Variants in PDZRN3 observed in about 807,000 individuals in gnomAD.
PDZRN3 encodes the protein E3 ubiquitin-protein ligase PDZRN3.
A neutral mutation model predicts 85.7 loss-of-function variants in PDZRN3; 38 were observed. The observed-to-expected ratio is 0.44, with a 90% confidence interval of 0.34 to 0.58. PDZRN3 has a LOEUF of 0.58. PDZRN3 is among the 20% of genes least tolerant of loss of function. The pLI is 0.01. For missense variants in PDZRN3, 1,629 were observed against 1,506.4 expected, an observed-to-expected ratio of 1.08 and a Z score of -1.35; for synonymous variants, 759 against 638.0, an observed-to-expected ratio of 1.19 and a Z score of -2.86.
In PDZRN3 at chr3:73,443,500, G is replaced by GGGC. The variant is rs1702687644; in HGVS notation, c.919-39106_919-39105insGCC. 8.3e-4 allele frequency among the ~76,000 whole-genome samples: 33 copies of GGGC among 39,782 alleles called. 1 individual carries two copies. In the South Asian group the frequency reaches 0.019, roughly 23 times the overall value. The allele number at this position is 39,782 out of a possible 152,430, so 26.1% of individuals were successfully genotyped here. On this transcript the variant is annotated intron_variant, in intron 3 of 9. Transcript: ENST00000263666. The stretch of plus-strand genomic sequence containing the variant: ...TTTTCTTTTTTTTTTTTTTTTTTTG[G>GGGC]GGGGGGGACAGCGCTTGCTTTGTCG...
chr3:73,589,097 G>C (rs1369566372), intron 3 of PDZRN3, among the ~76,000 whole-genome samples: 2 of 151,366 alleles, frequency 1.3e-5, no homozygotes, highest in Non-Finnish European at 2.9e-5. Flanking sequence ...CCCCAGGCTG[G>C]AGTGCAGTGG....
At chr3:73,514,099 A>G (rs1334360788) in intron 3 of PDZRN3, among the ~76,000 whole-genome samples, 1 of 152,208 alleles carries the variant, frequency 6.6e-6, no homozygotes, top group Non-Finnish European at 1.5e-5. Flanking sequence ...AAGCAAGACA[A>G]ACAAAGGATA....
intron 3 of PDZRN3, among the ~76,000 whole-genome samples, chr3:73,407,006 T>C (rs780422503): frequency 6.6e-6 from 1 of 152,250 alleles, no homozygotes; most frequent in Non-Finnish European, 1.5e-5. Flanking sequence ...GTTACCTTTC[T>C]ACCAGATCCT....
At position 73,624,664 on chromosome 3, in the gene PDZRN3, C is replaced by T. The variant is rs779129313; in HGVS notation, c.162G>A (p.Ala54=). The change falls in exon 1 of 10, where the codon GCG becomes GCA. Residue 54 remains alanine (A), a synonymous_variant. Transcript: ENST00000263666. ...PWVVQEGSCP[A]RCRGRLSAKE... is the part of the protein sequence containing the mutation. ...TGGCCGACAGGCGACCGCGGCAGCGCGCCGGGCAGCTGCCCTCCTGCACCA... is the reference window on the plus strand; with the variant it reads ...TGGCCGACAGGCGACCGCGGCAGCGTGCCGGGCAGCTGCCCTCCTGCACCA... 1.3e-6 allele frequency: 2 copies of T among 1,524,920 alleles called. No homozygotes were observed. Among genetic ancestry groups the T allele is most frequent in the Non-Finnish European group, 1.8e-6 (2 of 1,140,718 alleles). The allele number at this position is 1,524,920 out of a possible 1,614,324, so 94.5% of individuals were successfully genotyped here.
At chr3:73,552,256 G>GTGTC (rs1701581086) in intron 3 of PDZRN3, among the ~76,000 whole-genome samples, 1 of 141,440 alleles carries the variant, frequency 7.1e-6, no homozygotes, top group South Asian at 2.3e-4. Flanking sequence ...GTGTGTGTGT[G>GTGTC]TGTACCCAAA....
chr3:73,403,140 G>T (rs1392491700), intron 4 of PDZRN3, among the ~76,000 whole-genome samples: 1 of 152,100 alleles, frequency 6.6e-6, no homozygotes, highest in African/African-American at 2.4e-5. Flanking sequence ...TAGAGACGGG[G>T]TTTCACCGTG....
intron 8 of PDZRN3, 110 bp downstream of exon 8, chr3:73,387,858 A>G (rs561525430): frequency 1.6e-6 from 1 of 627,048 alleles, no homozygotes; most frequent in East Asian, 2.6e-5. Context: ...TTTCCAGGGA[A>G]CAAAGCACCT....
At chr3:73,436,834 T>C (rs1470137406) in intron 3 of PDZRN3, among the ~76,000 whole-genome samples, 1 of 151,872 alleles carries the variant, frequency 6.6e-6, no homozygotes, top group South Asian at 2.1e-4. Context: ...GATCATGAGG[T>C]CAGGAGATGG....
rs571471129 is a variant in PDZRN3, at chr3:73,548,579, T to A, written c.918+53775A>T. 3.9e-5 allele frequency among the ~76,000 whole-genome samples: 6 copies of A among 152,340 alleles called. No individual in the cohort carries two copies. The East Asian group carries it at 1.2e-3, about 29-fold the overall frequency. ...GAGAGGGAGTGGGCAGACATCCATA[T>A]TGTAAGATTGGTAATCTTGGCCTCT... On this transcript the variant is annotated intron_variant, in intron 3 of 9. Transcript: ENST00000263666.
chr3:73,487,565 C>T (rs1488076493), intron 3 of PDZRN3, among the ~76,000 whole-genome samples: 2 of 152,170 alleles, frequency 1.3e-5, no homozygotes, highest in Non-Finnish European at 2.9e-5. Flanking sequence ...CTGTCCAGGC[C>T]GTTTCGAAGC....
At chr3:73,605,411 C>T (rs754161828) in intron 2 of PDZRN3, among the ~76,000 whole-genome samples, 2 of 152,164 alleles carry the variant, frequency 1.3e-5, no homozygotes, top group Non-Finnish European at 2.9e-5. Context: ...CGATAAAGTA[C>T]ACTTCCCAAA....
intron 3 of PDZRN3, among the ~76,000 whole-genome samples, chr3:73,563,973 A>G (rs1232658148): frequency 6.6e-6 from 1 of 152,134 alleles, no homozygotes; most frequent in African/African-American, 2.4e-5. Flanking sequence ...ATTACCATGA[A>G]CATGCAACCA....
chr3:73,435,400 A>T (rs1017877741), intron 3 of PDZRN3, among the ~76,000 whole-genome samples: 1 of 152,122 alleles, frequency 6.6e-6, no homozygotes, highest in African/African-American at 2.4e-5. Flanking sequence ...CAGCTGCAGT[A>T]ATTGCTGACT....
At chr3:73,573,810 CCT>C (rs766229317) in intron 3 of PDZRN3, among the ~76,000 whole-genome samples, 23,657 of 111,408 alleles carry the variant, frequency 0.21, 2,243 homozygotes, top group Middle Eastern at 0.39. Flanking sequence ...TACACATACA[CCT>C]ATACATATAC....
chr3:73,607,941 G>A (rs1702627033), intron 2 of PDZRN3, among the ~76,000 whole-genome samples: 1 of 152,150 alleles, frequency 6.6e-6, no homozygotes, highest in Non-Finnish European at 1.5e-5. Context: ...GAAAAGAAAA[G>A]GGTAAAGGAT....
chr3:73,523,010 T>G (rs187726734), intron 3 of PDZRN3, among the ~76,000 whole-genome samples: 314 of 152,128 alleles, frequency 2.1e-3, no homozygotes, highest in African/African-American at 5.0e-3. Flanking sequence ...GAAGAGTTTT[T>G]TTTGTTTGTT....
intron 3 of PDZRN3, among the ~76,000 whole-genome samples, chr3:73,441,466 A>C (rs949079197): frequency 6.6e-6 from 1 of 151,540 alleles, no homozygotes; most frequent in African/African-American, 2.4e-5. Context: ...AACTGTACCA[A>C]ACGAGGCTGT....
chr3:73,408,046 C>T, intron 3 of PDZRN3: 3 of 657,572 alleles, frequency 4.6e-6, no homozygotes, highest in Non-Finnish European at 8.3e-6. Flanking sequence ...AAACGCATTT[C>T]TGACAACTGT....
intron 3 of PDZRN3, among the ~76,000 whole-genome samples, chr3:73,520,575 C>T (rs962305178): frequency 3.3e-5 from 5 of 152,176 alleles, no homozygotes; most frequent in African/African-American, 1.2e-4. Flanking sequence ...GTTGTCTTTA[C>T]AGCCCAACCC....
Sources: gnomAD v4.1 joint callset for allele counts (sites outside exome capture counted in the v4.1 genomes callset) on GRCh38, gnomAD v4.1.1 for gene constraint, MANE v1.5 for transcripts, NCBI Gene and HGNC (gene_info 2026-07-23, HGNC 2026-07-21) for gene names.